The following FAM168A variants were observed in gnomAD, a reference collection of about 807,000 sequenced individuals.
FAM168A encodes protein FAM168A.
FAM168A carries 3 observed loss-of-function variants against 28.5 expected under a neutral mutation model. That is an observed-to-expected ratio of 0.11 (90% confidence interval 0.05 to 0.27). The LOEUF is 0.27. Ranked by LOEUF, FAM168A falls within the 10% of genes least tolerant of loss-of-function variation. FAM168A has a pLI of 1.00. For missense variants in FAM168A, 222 were observed against 311.5 expected (o/e 0.71, Z 2.16); for synonymous variants, 122 against 124.2 (o/e 0.98, Z 0.12).
chr11:73,502,798 C>T (rs928687854), intron 1 of FAM168A, among the ~76,000 whole-genome samples: 1 of 152,168 alleles, frequency 6.6e-6, no homozygotes, highest in African/African-American at 2.4e-5. Flanking sequence ...AAAACTTATC[C>T]ACCACGATCA....
intron 1 of FAM168A, among the ~76,000 whole-genome samples, chr11:73,574,183 T>C (rs1222492095): frequency 6.6e-6 from 1 of 152,232 alleles, no homozygotes; most frequent in Non-Finnish European, 1.5e-5. Flanking sequence ...TGTCACATAA[T>C]AGTTACTATC....
intron 7 of FAM168A, among the ~76,000 whole-genome samples, chr11:73,407,223 T>C (rs1866522116): frequency 6.6e-6 from 1 of 152,200 alleles, no homozygotes; most frequent in African/African-American, 2.4e-5. Context: ...ATCTGTAAAA[T>C]AGAGCTAATG....
At chr11:73,495,149 C>G (rs1201498136) in intron 1 of FAM168A, among the ~76,000 whole-genome samples, 1 of 147,248 alleles carries the variant, frequency 6.8e-6, no homozygotes. Context: ...AAAAATCAAA[C>G]TGATCCCGTC....
rs10793060 is a variant in FAM168A, at chr11:73,409,608, A to G, written c.474T>C (p.His158=). Residue 158 remains histidine (H), a synonymous_variant, in exon 6 of 8, where the codon CAT becomes CAC. Transcript: ENST00000356467. The part of the protein sequence containing the change: ...VYAAQPHVIH[H]TTVVQPNSIP... ...TGCTGTTGGGCTGGACGACCGTGGT[A>G]TGGTGGATGACATGAGGCTGGGCAG... 0.23 allele frequency: 365,369 copies of G among 1,613,364 alleles called. 48,265 individuals are homozygous for G. Among genetic ancestry groups the G allele is most frequent in the African/African-American group, 0.59 (44,490 of 74,938 alleles).
At chr11:73,441,151 C>T (rs1243806010) in intron 2 of FAM168A, among the ~76,000 whole-genome samples, 3 of 151,964 alleles carry the variant, frequency 2.0e-5, no homozygotes, top group Non-Finnish European at 2.9e-5. Context: ...CTCCGCATCC[C>T]GGGTTCAAGC....
intron 2 of FAM168A, among the ~76,000 whole-genome samples, chr11:73,443,270 C>T (rs1027300307): frequency 6.6e-5 from 10 of 151,918 alleles, no homozygotes; most frequent in Non-Finnish European, 1.0e-4. Flanking sequence ...AGTGCACAAA[C>T]TTTGGCCAAT....
chr11:73,466,040 A>G (rs1405835089), intron 2 of FAM168A, among the ~76,000 whole-genome samples: 2 of 152,188 alleles, frequency 1.3e-5, no homozygotes, highest in Non-Finnish European at 2.9e-5. Flanking sequence ...ACTGCACCAC[A>G]AAACTATATT....
chr11:73,470,365 G>T (rs192257206), intron 1 of FAM168A, among the ~76,000 whole-genome samples: 2 of 152,134 alleles, frequency 1.3e-5, no homozygotes, highest in Admixed American at 1.3e-4. Flanking sequence ...AGTTCTCTGC[G>T]TGGTACATCA....
chr11:73,450,919 C>T (rs1408516548), intron 2 of FAM168A, among the ~76,000 whole-genome samples: 1 of 152,190 alleles, frequency 6.6e-6, no homozygotes, highest in Non-Finnish European at 1.5e-5. Context: ...GCATATACTA[C>T]TACTAGCTGC....
chr11:73,542,105 C>A lies in FAM168A; in HGVS notation c.-19+55818G>T, dbSNP rs141305897. ...TTAGAGTGTCCAGAGTTTGGCAGTC[C>A]GATCTCTTCTTTGCTCTAAGTACAC... On this transcript the variant is annotated intron_variant, in intron 1 of 7. Transcript: ENST00000356467. Among the ~76,000 whole-genome samples the A allele has an allele frequency of 1.0e-3, 154 of 152,218 alleles. 1 individual carries two copies. The highest frequency in any genetic ancestry group is 3.4e-3 in the Middle Eastern group (1 of 294).
intron 3 of FAM168A, among the ~76,000 whole-genome samples, chr11:73,420,490 C>T (rs904399856): frequency 1.3e-5 from 2 of 152,214 alleles, no homozygotes; most frequent in Non-Finnish European, 2.9e-5. Context: ...TGCTGGACTA[C>T]CATCTCTTCT....
At chr11:73,568,690 T>A (rs112571985) in intron 1 of FAM168A, among the ~76,000 whole-genome samples, 11,036 of 150,782 alleles carry the variant, frequency 0.073, 1,197 homozygotes, top group African/African-American at 0.24. Flanking sequence ...AGGTCAGGAG[T>A]TTGAGCCCAG....
chr11:73,589,961 G>A (rs1001153453), intron 1 of FAM168A, among the ~76,000 whole-genome samples: 2 of 152,086 alleles, frequency 1.3e-5, no homozygotes, highest in African/African-American at 4.8e-5. Context: ...TTGTGGGACT[G>A]GATTTTCTTT....
At chr11:73,527,648 T>C (rs1565284442) in intron 1 of FAM168A, among the ~76,000 whole-genome samples, 2 of 152,082 alleles carry the variant, frequency 1.3e-5, no homozygotes, top group Non-Finnish European at 1.5e-5. Context: ...ATGAGAAAAC[T>C]GAGGCTCAGA....
At chr11:73,508,824 G>C (rs1855165223) in intron 1 of FAM168A, among the ~76,000 whole-genome samples, 1 of 152,144 alleles carries the variant, frequency 6.6e-6, no homozygotes, top group African/African-American at 2.4e-5. Flanking sequence ...TACTCAAAAA[G>C]CCAGTGTAAT....
In FAM168A at chr11:73,546,319, G is replaced by A. The variant is rs144971695; in HGVS notation, c.-19+51604C>T. Among the ~76,000 whole-genome samples the A allele has an allele frequency of 3.1e-3, 476 of 152,338 alleles. 1 individual carries two copies. The highest frequency in any genetic ancestry group is 5.6e-3 in the Non-Finnish European group (384 of 68,040). On this transcript the variant is annotated intron_variant, in intron 1 of 7. Transcript: ENST00000356467. ...CGGGAAGTGGGGAGAAAAAAGTATA[G>A]AGTATACCCCAGCAAATCAATCAAG... is the stretch of plus-strand genomic sequence containing the variant.
At chr11:73,424,473 T>G (rs1388967350) in intron 3 of FAM168A, among the ~76,000 whole-genome samples, 1 of 151,956 alleles carries the variant, frequency 6.6e-6, no homozygotes, top group Non-Finnish European at 1.5e-5. Flanking sequence ...CCAGTTCTGG[T>G]CCCTCATTTA....
At chr11:73,543,262 C>CTTTTTTT (rs58715872) in intron 1 of FAM168A, among the ~76,000 whole-genome samples, 7 of 111,850 alleles carry the variant, frequency 6.3e-5, no homozygotes, top group Admixed American at 2.9e-4. Flanking sequence ...ATTAATTGTT[C>CTTTTTTT]TTTTTTTTTT....
intron 1 of FAM168A, among the ~76,000 whole-genome samples, chr11:73,503,347 T>A (rs1284247034): frequency 6.6e-6 from 1 of 152,138 alleles, no homozygotes; most frequent in Non-Finnish European, 1.5e-5. Context: ...AGCATTCCTT[T>A]ACACCAACAA....
Sources: gnomAD v4.1 joint callset for allele counts (sites outside exome capture counted in the v4.1 genomes callset) on GRCh38, gnomAD v4.1.1 for gene constraint, MANE v1.5 for transcripts, NCBI Gene and HGNC (gene_info 2026-07-23, HGNC 2026-07-21) for gene names.